Variants in MRTFB observed in about 807,000 individuals in gnomAD.
MRTFB encodes myocardin-related transcription factor B.
Under a neutral mutation model 104.2 loss-of-function variants are expected in MRTFB, and 29 were observed. The observed-to-expected ratio is 0.28, with a 90% CI of 0.21 to 0.38. MRTFB has a LOEUF of 0.38. Ranked by LOEUF, MRTFB falls within the 10% of genes least tolerant of loss-of-function variation. MRTFB has a pLI of 1.00. For missense variants in MRTFB, 1,270 were observed against 1,341.6 expected (o/e 0.95, Z 0.83); for synonymous variants, 535 against 519.5 (o/e 1.03, Z -0.41).
chr16:14,063,755 G>A, the MRTFB span, among the ~76,000 whole-genome samples: 4 of 152,306 alleles, frequency 2.6e-5, no homozygotes, highest in East Asian at 1.9e-4. Flanking sequence ...AACAGCTGTC[G>A]TACCTGTAGC....
intron 2 of MRTFB, among the ~76,000 whole-genome samples, chr16:14,128,964 C>G (rs1447253171): frequency 6.6e-6 from 1 of 152,246 alleles, no homozygotes; most frequent in African/African-American, 2.4e-5. Flanking sequence ...GCAGCCACTA[C>G]TCTGTTCTCT....
At chr16:14,067,115 C>G (rs1461617609), upstream of MRTFB, among the ~76,000 whole-genome samples, 1 of 152,030 alleles carries the variant, frequency 6.6e-6, no homozygotes, top group Non-Finnish European at 1.5e-5. Context: ...CATCTTGTGT[C>G]AGGATGGAAA....
chr16:14,152,874 A>G (rs2038682206), intron 3 of MRTFB: 1 of 152,218 alleles, frequency 6.6e-6, no homozygotes. Context: ...CTGCTAAATA[A>G]AAGTCCTATA....
At chr16:14,009,426 T>C in the MRTFB span, 7 of 152,226 alleles carry the variant, frequency 4.6e-5, no homozygotes, top group African/African-American at 1.7e-4. Flanking sequence ...TTCTTCATAA[T>C]CTTCTATGTA....
At chr16:14,105,706 G>A (rs1422912743) in intron 2 of MRTFB, among the ~76,000 whole-genome samples, 1 of 152,004 alleles carries the variant, frequency 6.6e-6, no homozygotes, top group African/African-American at 2.4e-5. Context: ...GACTCTTAAG[G>A]GTATTTTAGA....
At chr16:14,076,431 G>C (rs898604411) in intron 1 of MRTFB, among the ~76,000 whole-genome samples, 1 of 152,192 alleles carries the variant, frequency 6.6e-6, no homozygotes, top group Non-Finnish European at 1.5e-5. Context: ...CTGACCTCAG[G>C]TTATCCACCT....
chr16:14,256,983 A>T (rs1486536400), intron 15 of MRTFB, among the ~76,000 whole-genome samples: 2 of 152,240 alleles, frequency 1.3e-5, no homozygotes, highest in Non-Finnish European at 2.9e-5. Flanking sequence ...TAAGCACTTG[A>T]AGAGATGCTC....
chr16:14,207,265 A>G (rs949490473), intron 3 of MRTFB, among the ~76,000 whole-genome samples: 2 of 152,232 alleles, frequency 1.3e-5, no homozygotes, highest in Non-Finnish European at 2.9e-5. Context: ...TTCAAGCAGT[A>G]TAAGTAGGGT....
chr16:14,253,159 C>T (rs2043322829), intron 15 of MRTFB, among the ~76,000 whole-genome samples: 1 of 152,184 alleles, frequency 6.6e-6, no homozygotes, highest in Non-Finnish European at 1.5e-5. Context: ...TTTGTAAAAG[C>T]ATATGGCCCA....
chr16:14,171,414 G>A (rs1203968072), intron 3 of MRTFB, among the ~76,000 whole-genome samples: 1 of 152,000 alleles, frequency 6.6e-6, no homozygotes, highest in East Asian at 1.9e-4. Context: ...AGACTCTCTT[G>A]AACGTGGGAG....
the MRTFB span, among the ~76,000 whole-genome samples, chr16:13,997,631 CAA>C: frequency 4.2e-5 from 6 of 142,328 alleles, no homozygotes; most frequent in African/African-American, 1.0e-4. Context: ...CTATCTGTAC[CAA>C]AAAAAAAAAA....
At chr16:14,182,141 TG>T (rs1204033128) in intron 3 of MRTFB, among the ~76,000 whole-genome samples, 1 of 152,082 alleles carries the variant, frequency 6.6e-6, no homozygotes, top group African/African-American at 2.4e-5. Context: ...GTGACAGTGG[TG>T]GGGGTTTCTC....
chr16:14,233,014 A>G (rs2042334298), intron 8 of MRTFB, among the ~76,000 whole-genome samples: 1 of 152,216 alleles, frequency 6.6e-6, no homozygotes, highest in Non-Finnish European at 1.5e-5. Context: ...TCAATATGCA[A>G]ATTTTGACTA....
chr16:14,241,990 A>C (rs1043854446), intron 10 of MRTFB, among the ~76,000 whole-genome samples: 1 of 148,462 alleles, frequency 6.7e-6, no homozygotes, highest in Non-Finnish European at 1.5e-5. Context: ...AATAATAATA[A>C]TAATAATAAT....
the MRTFB span, among the ~76,000 whole-genome samples, chr16:14,023,610 C>CACATACATATACATATACAT: frequency 9.3e-6 from 1 of 106,976 alleles, no homozygotes; most frequent in East Asian, 2.7e-4. Flanking sequence ...CACACACACA[C>CACATACATATACATATACAT]ATACATATAC....
chr16:14,240,554 C>T (rs1567206095), intron 10 of MRTFB, 70 bp downstream of exon 10: 2 of 1,608,130 alleles, frequency 1.2e-6, no homozygotes, highest in Non-Finnish European at 1.7e-6. Flanking sequence ...TATAAGTTAC[C>T]AAAAGTTGAA....
Position 14,145,924 on chromosome 16 carries a change from GCCTGTGCCTACACT to G in MRTFB, c.154+5166_154+5179del, listed in dbSNP as rs796717533. ...ATCACTGAAAGAGCTGCAGCCCTTT[GCCTGTGCCTACACT>G]CTGAGGGGACCCTGCGGGAGAAGCT... is the stretch of plus-strand genomic sequence containing the variant. On this transcript the variant is annotated intron_variant, in intron 3 of 16. Transcript: ENST00000571589. Among the ~76,000 whole-genome samples, 170 of 152,294 alleles carry G rather than the reference GCCTGTGCCTACACT, an allele frequency of 1.1e-3. 2 individuals are homozygous for G. Among genetic ancestry groups the G allele is most frequent in the African/African-American group, 4.0e-3 (168 of 41,568 alleles).
In MRTFB at chr16:14,252,498, C is replaced by T. The variant is rs1850783974; in HGVS notation, c.2699C>T (p.Pro900Leu). ...KQTRSTQAPLPEISNAHSQQM... is the reference protein window; with the variant it reads ...KQTRSTQAPLLEISNAHSQQM... ...ACACGCAGCACACAGGCCCCTCTGCCAGAGGTAAGTGAGGGCACGGTCATG... is the reference window on the plus strand; with the variant it reads ...ACACGCAGCACACAGGCCCCTCTGCTAGAGGTAAGTGAGGGCACGGTCATG... Residue 900 changes from proline (P) to leucine (L), a missense_variant, in exon 15 of 17, where the codon CCA becomes CTA. Pro to Leu is a moderately conservative substitution (Grantham distance 98). Around this residue, in one of 3 missense-constraint regions of MRTFB, gnomAD observed 1,144 missense variants for 1,131.5 expected, o/e 1.01. Coordinates refer to ENST00000571589, the MANE Select transcript of MRTFB (RefSeq NM_001308142.2). 6.2e-7 allele frequency: 1 copy of T among 1,613,876 alleles called. No homozygotes were observed. Among genetic ancestry groups the T allele is most frequent in the African/African-American group, 1.3e-5 (1 of 74,850 alleles).
chr16:14,108,556 C>T (rs2142131096), intron 2 of MRTFB, among the ~76,000 whole-genome samples: 1 of 152,282 alleles, frequency 6.6e-6, no homozygotes, highest in South Asian at 2.1e-4. Context: ...GTCAAGTAAG[C>T]TAACTGCGGG....
Sources: gnomAD v4.1 joint callset for allele counts (sites outside exome capture counted in the v4.1 genomes callset) on GRCh38, gnomAD v4.1.1 for gene constraint, gnomAD v4.1.1 regional missense constraint, MANE v1.5 for transcripts, NCBI Gene and HGNC (gene_info 2026-07-23, HGNC 2026-07-21) for gene names.